Variants in GRIK4 observed in about 807,000 individuals in gnomAD.
The protein encoded by GRIK4 is glutamate receptor ionotropic, kainate 4.
A neutral mutation model predicts 104.9 loss-of-function variants in GRIK4; 40 were observed. The observed-to-expected ratio is 0.38, with a 90% CI of 0.30 to 0.50. GRIK4 has a LOEUF of 0.50. Ranked by LOEUF, GRIK4 falls within the 20% of genes least tolerant of loss-of-function variation. GRIK4 has a pLI of 0.93. For missense variants in GRIK4, 1,047 were observed against 1,308.1 expected (o/e 0.80, Z 3.08); for synonymous variants, 485 against 524.9 (o/e 0.92, Z 1.04).
chr11:120,982,446 A>C (rs988246723), intron 20 of GRIK4, among the ~76,000 whole-genome samples: 7 of 152,246 alleles, frequency 4.6e-5, no homozygotes, highest in African/African-American at 1.7e-4. Context: ...TGAGAAAAAT[A>C]GGTGAAAGTA....
intron 3 of GRIK4, among the ~76,000 whole-genome samples, chr11:120,687,523 C>A (rs1318779577): frequency 6.6e-6 from 1 of 151,932 alleles, no homozygotes; most frequent in African/African-American, 2.4e-5. Flanking sequence ...GAATCTGTTT[C>A]TATTGTGTGT....
chr11:120,923,660 G>A (rs1272887682), intron 13 of GRIK4, among the ~76,000 whole-genome samples: 4 of 152,000 alleles, frequency 2.6e-5, no homozygotes, highest in Non-Finnish European at 5.9e-5. Context: ...TGATCCGCCC[G>A]GCTCGGCCTC....
chr11:120,762,362 A>G (rs1281610834), intron 3 of GRIK4, among the ~76,000 whole-genome samples: 2 of 152,226 alleles, frequency 1.3e-5, no homozygotes, highest in Non-Finnish European at 2.9e-5. Context: ...GGGGTTTTCT[A>G]AATACACAAT....
At chr11:120,747,379 A>T (rs1289125601) in intron 3 of GRIK4, among the ~76,000 whole-genome samples, 1 of 152,146 alleles carries the variant, frequency 6.6e-6, no homozygotes, top group Admixed American at 6.5e-5. Context: ...GCCTGTCTTG[A>T]CTTGCCCCAG....
In GRIK4 at chr11:120,967,133, CAG is replaced by C; in HGVS notation, c.2267-59_2267-58del. 1.3e-6 allele frequency: 2 copies of C among 1,540,630 alleles called. No homozygotes were observed. The highest frequency in any genetic ancestry group is 1.8e-6 in the Non-Finnish European group (2 of 1,136,728). ...CCAGGAGGTGTGCCGGGAAGGGGAG[CAG>C]AGTGACACCTAACAGGGCATTCACA... On this transcript the variant is annotated intron_variant, in intron 18 of 20. Transcript: ENST00000527524. The surrounding 1 kb of genome is among the most constrained non-coding windows in gnomAD (Gnocchi z 4.2).
rs540425718 is a variant in GRIK4, at chr11:120,585,706, A to G, written c.-158-67979A>G. The stretch of plus-strand genomic sequence containing the variant: ...TGCATATGGTGAGAAGTATGGATTA[A>G]AGTTCTTTTTTTGTTTTTGTTTTTT... On this transcript the variant is annotated intron_variant, in intron 1 of 20. Transcript: ENST00000527524. 3.6e-3 allele frequency among the ~76,000 whole-genome samples: 533 copies of G among 146,990 alleles called. 8 individuals carry two copies. Among genetic ancestry groups the G allele is most frequent in the African/African-American group, 0.012 (484 of 41,246 alleles).
At chr11:120,620,848 C>G (rs1194607235) in intron 1 of GRIK4, among the ~76,000 whole-genome samples, 1 of 152,176 alleles carries the variant, frequency 6.6e-6, no homozygotes, top group Non-Finnish European at 1.5e-5. Context: ...GCATTGTGCT[C>G]AACCCTTTGC....
At chr11:120,673,442 C>G (rs1258328975) in intron 3 of GRIK4, among the ~76,000 whole-genome samples, 2 of 152,204 alleles carry the variant, frequency 1.3e-5, no homozygotes, top group African/African-American at 4.8e-5. Flanking sequence ...CCCATATTGT[C>G]TGATCCCTGC....
At chr11:120,776,592 A>G (rs1952047402) in intron 3 of GRIK4, among the ~76,000 whole-genome samples, 1 of 152,246 alleles carries the variant, frequency 6.6e-6, no homozygotes, top group Admixed American at 6.5e-5. Flanking sequence ...GCTTAAAACA[A>G]GAACGATTTG....
At chr11:120,758,683 G>A (rs1387438293) in intron 3 of GRIK4, among the ~76,000 whole-genome samples, 1 of 152,196 alleles carries the variant, frequency 6.6e-6, no homozygotes, top group African/African-American at 2.4e-5. Flanking sequence ...ATAATATATA[G>A]TCTATTCAGG....
At chr11:120,882,003 A>T (rs536945395) in intron 11 of GRIK4, among the ~76,000 whole-genome samples, 1 of 151,748 alleles carries the variant, frequency 6.6e-6, no homozygotes, top group Non-Finnish European at 1.5e-5. Flanking sequence ...AAGCAAACAA[A>T]CCTAGAACAA....
chr11:120,790,447 A>G (rs1202123565), intron 3 of GRIK4, among the ~76,000 whole-genome samples: 1 of 152,092 alleles, frequency 6.6e-6, no homozygotes, highest in African/African-American at 2.4e-5. Context: ...TATGAGAATG[A>G]GGGTTATTAG....
intron 3 of GRIK4, among the ~76,000 whole-genome samples, chr11:120,682,997 C>G (rs11217973): frequency 6.6e-6 from 1 of 151,828 alleles, no homozygotes; most frequent in African/African-American, 2.4e-5. Flanking sequence ...ACTGCTCCCC[C>G]TCTCTCTTGT....
chr11:120,956,986 G>A lies in GRIK4; in HGVS notation c.1874+33G>A. The A allele has an allele frequency of 6.5e-7, 1 of 1,542,032 alleles. No individual in the cohort carries two copies. Among genetic ancestry groups the A allele is most frequent in the Non-Finnish European group, 8.8e-7 (1 of 1,142,430 alleles). On this transcript the variant is annotated intron_variant, in intron 16 of 20. Coordinates refer to ENST00000527524, the MANE Select transcript of GRIK4 (RefSeq NM_014619.5). The surrounding 1 kb of genome is among the most constrained non-coding windows in gnomAD (Gnocchi z 4.6). ...CCCAGGCAGAGGTGAACCAGGCCAG[G>A]TGGGGTGGGGACACAAAAGGGGCCC...
intron 4 of GRIK4, among the ~76,000 whole-genome samples, chr11:120,810,890 G>A (rs966234611): frequency 4.6e-5 from 7 of 152,180 alleles, no homozygotes; most frequent in Admixed American, 4.6e-4. Flanking sequence ...CAAAGTCACA[G>A]GTGCTATTAA....
chr11:120,969,072 G>C (rs1419883665), intron 19 of GRIK4, among the ~76,000 whole-genome samples: 1 of 152,144 alleles, frequency 6.6e-6, no homozygotes, highest in East Asian at 1.9e-4. Context: ...TGACAGTGAG[G>C]TATCCCAGCA....
chr11:120,964,730 C>G (rs1183487936), intron 18 of GRIK4, among the ~76,000 whole-genome samples: 1 of 152,196 alleles, frequency 6.6e-6, no homozygotes. Context: ...CTATATCTGA[C>G]ATGACACTGT....
At chr11:120,517,834 G>A (rs2136071023) in intron 1 of GRIK4, among the ~76,000 whole-genome samples, 1 of 152,292 alleles carries the variant, frequency 6.6e-6, no homozygotes, top group Non-Finnish European at 1.5e-5. Context: ...TGACTAGGGA[G>A]TAGACACAGG....
intron 13 of GRIK4, among the ~76,000 whole-genome samples, chr11:120,932,231 G>T (rs1252549623): frequency 6.7e-6 from 1 of 149,938 alleles, no homozygotes; most frequent in Non-Finnish European, 1.5e-5. Flanking sequence ...TGCTGTCAGA[G>T]ACTGTGCCTG....
Sources: allele counts gnomAD v4.1 joint callset (sites outside exome capture counted in the v4.1 genomes callset), GRCh38; gene constraint gnomAD v4.1.1; non-coding constraint Gnocchi (gnomAD v3.1); transcripts MANE v1.5; gene names NCBI Gene and HGNC (gene_info 2026-07-23, HGNC 2026-07-21).